The following SMYD2 variants were observed in gnomAD, a reference collection of about 807,000 sequenced individuals.
SMYD2 encodes the protein SET and MYND domain containing 2, also known as N-lysine methyltransferase SMYD2.
Under a neutral mutation model 59.1 loss-of-function variants are expected in SMYD2, and 53 were observed. The ratio of observed to expected loss-of-function variants is 0.90; its 90% CI spans 0.72 to 1.13. The LOEUF (loss-of-function observed/expected upper bound fraction) is 1.13, where lower values mean the gene tolerates loss of function less well. Among genes scored for constraint, SMYD2 ranks in the 50% most tolerant of loss-of-function variants. The pLI is 0.00. For missense variants in SMYD2, 494 were observed against 544.7 expected (o/e 0.91, Z 0.93); for synonymous variants, 208 against 198.8 (o/e 1.05, Z -0.39).
chr1:214,286,228 G>A (rs1347795032), intron 1 of SMYD2, among the ~76,000 whole-genome samples: 3 of 152,186 alleles, frequency 2.0e-5, no homozygotes, highest in Admixed American at 2.0e-4. Flanking sequence ...GGACTTGGTA[G>A]GCTGAGGTGG....
At chr1:214,331,964 G>A (rs777367218) in intron 9 of SMYD2, 54 bp from the exon 10 acceptor site, 32 of 1,558,076 alleles carry the variant, frequency 2.1e-5, no homozygotes, top group Non-Finnish European at 2.5e-5. Context: ...ACCCAGCCTG[G>A]GGAAGCCTCC....
chr1:214,299,674 C>T (rs752873092), intron 1 of SMYD2, among the ~76,000 whole-genome samples: 1 of 151,998 alleles, frequency 6.6e-6, no homozygotes, highest in Non-Finnish European at 1.5e-5. Flanking sequence ...TGGCGCTGTC[C>T]TGGCTCACTG....
At chr1:214,330,876 T>C in intron 8 of SMYD2, 74 bp from the exon 9 acceptor site, 1 of 1,605,864 alleles carries the variant, frequency 6.2e-7, no homozygotes, top group Non-Finnish European at 8.5e-7. Context: ...GGAATGTGTA[T>C]TATATGAGAG....
At chr1:214,329,432 G>A (rs759067056) in intron 7 of SMYD2, among the ~76,000 whole-genome samples, 3 of 152,204 alleles carry the variant, frequency 2.0e-5, no homozygotes, top group Non-Finnish European at 4.4e-5. Flanking sequence ...GTCCCAGTGA[G>A]TAGATAATGG....
chr1:214,281,209 G>C lies in SMYD2; in HGVS notation c.-46G>C. ...ACGCGTCTCCAATAACAGCTCGCCGGGAGCCGCAGCTCGGGCACAGCCGGC... is the reference window on the plus strand; with the variant it reads ...ACGCGTCTCCAATAACAGCTCGCCGCGAGCCGCAGCTCGGGCACAGCCGGC... On this transcript the variant is annotated 5_prime_UTR_variant, in exon 1 of 12. Coordinates refer to ENST00000366957, the MANE Select transcript of SMYD2 (RefSeq NM_020197.3). 1 of 1,215,382 alleles carries C rather than the reference G, an allele frequency of 8.2e-7. No homozygotes were observed. Among genetic ancestry groups the C allele is most frequent in the Non-Finnish European group, 1.0e-6 (1 of 973,004 alleles). 75.3% of individuals were successfully genotyped at this position (1,215,382 alleles called of 1,614,324 possible).
At chr1:214,330,022 C>T (rs1460755773) in intron 7 of SMYD2, 146 bp from the exon 8 acceptor site, 9 of 521,372 alleles carry the variant, frequency 1.7e-5, no homozygotes, top group African/African-American at 3.8e-5. Flanking sequence ...TCAGGAATTC[C>T]GTGCCTTAAA....
At chr1:214,315,971 C>T (rs753846111) in intron 3 of SMYD2, among the ~76,000 whole-genome samples, 17 of 152,200 alleles carry the variant, frequency 1.1e-4, no homozygotes, top group Non-Finnish European at 2.1e-4. Flanking sequence ...CTGGTTCATT[C>T]TTGCTGATTG....
chr1:214,334,060 A>C (rs1388559102), intron 10 of SMYD2, 140 bp from the exon 11 acceptor site: 1 of 647,114 alleles, frequency 1.5e-6, no homozygotes, highest in Non-Finnish European at 2.7e-6. Context: ...TCTCCACCCA[A>C]ACCCTGGTGG....
chr1:214,334,041 C>T lies in SMYD2; in HGVS notation c.1113-159C>T, dbSNP rs1002078051. The T allele has an allele frequency of 8.7e-6, 5 of 572,264 alleles. No individual in the cohort carries two copies. The Middle Eastern group carries it at 2.0e-3, about 224-fold the overall frequency. The allele number at this position is 572,264 out of a possible 1,614,324, so 35.4% of individuals were successfully genotyped here. A position where few individuals can be genotyped will look rare whatever the true frequency, so the allele number is the denominator to read the frequency against. On this transcript the variant is annotated intron_variant, in intron 10 of 11. Coordinates refer to ENST00000366957, the MANE Select transcript of SMYD2 (RefSeq NM_020197.3). ...CTGCAATGATTCGGCAGGGTGGCAGCATCCACGCTCTCCACCCAAACCCTG... is the reference window on the plus strand; with the variant it reads ...CTGCAATGATTCGGCAGGGTGGCAGTATCCACGCTCTCCACCCAAACCCTG...
intron 10 of SMYD2, chr1:214,332,816 A>G (rs911780207): frequency 3.9e-5 from 6 of 152,694 alleles, no homozygotes; most frequent in African/African-American, 1.4e-4. Flanking sequence ...TCTGACTCGG[A>G]CTAGACACTT....
chr1:214,324,355 A>C (rs1381090331), intron 5 of SMYD2, among the ~76,000 whole-genome samples: 1 of 152,188 alleles, frequency 6.6e-6, no homozygotes, highest in Non-Finnish European at 1.5e-5. Context: ...CAAGTGTGCA[A>C]ACGTCAGTCC....
At chr1:214,293,156 G>A (rs1320809404) in intron 1 of SMYD2, among the ~76,000 whole-genome samples, 1 of 151,744 alleles carries the variant, frequency 6.6e-6, no homozygotes, top group Non-Finnish European at 1.5e-5. Context: ...AGGTCCAAGC[G>A]ATTCTCCCGC....
In SMYD2 at chr1:214,327,723, A is replaced by G. The variant is rs764794193; in HGVS notation, c.704A>G (p.Glu235Gly). The G allele has an allele frequency of 2.5e-6, 4 of 1,613,956 alleles. No individual in the cohort carries two copies. The highest frequency in any genetic ancestry group is 1.7e-6 in the Non-Finnish European group (2 of 1,179,884). ...RAVQEIKPGEEVFTSYIDLLY... is the reference protein window; with the variant it reads ...RAVQEIKPGEGVFTSYIDLLY... ...GTACAGGAAATCAAGCCGGGAGAGG[A>G]GGTGAGTTCATGGCTATGGGTGGCT... The change falls in exon 7 of 12, where the codon GAG (glutamate) becomes GGG (glycine). Residue 235 changes from glutamate to glycine, a missense_variant and splice_region_variant. Glu to Gly is a moderately conservative substitution (Grantham distance 98). Transcript: ENST00000366957.
chr1:214,324,357 C>T (rs1372196229), intron 5 of SMYD2, among the ~76,000 whole-genome samples: 2 of 152,238 alleles, frequency 1.3e-5, no homozygotes, highest in South Asian at 2.1e-4. Flanking sequence ...AGTGTGCAAA[C>T]GTCAGTCCTC....
Position 214,305,192 on chromosome 1 carries a change from A to G in SMYD2, c.179A>G (p.Glu60Gly). ...NHCEYCFTRK[E>G]GLSKCGRCKQ... ...GTGCCCTTTCTGTTTTTAAGGAAAG[A>G]AGGATTGTCCAAATGTGGAAGATGC... The change falls in exon 2 of 12, where the codon GAA becomes GGA. Residue 60 changes from glutamate to glycine, a missense_variant. By Grantham distance (98) the Glu-to-Gly change is moderately conservative. Transcript: ENST00000366957. The G allele has an allele frequency of 3.1e-6, 5 of 1,614,200 alleles. No individual in the cohort carries two copies. The highest frequency in any genetic ancestry group is 4.2e-6 in the Non-Finnish European group (5 of 1,180,004).
chr1:214,325,773 C>CT (rs59821609), intron 6 of SMYD2, among the ~76,000 whole-genome samples: 27,358 of 118,134 alleles, frequency 0.23, 3,257 homozygotes, highest in East Asian at 0.42. Flanking sequence ...AGGAAAGAAG[C>CT]TTTTTTTTTT....
Position 214,312,019 on chromosome 1 carries a change from G to T in SMYD2, c.238-2743G>T, listed in dbSNP as rs1458276998. On this transcript the variant is annotated intron_variant, in intron 2 of 11. Coordinates refer to ENST00000366957, the MANE Select transcript of SMYD2 (RefSeq NM_020197.3). This position sits in a 1 kb window ranked among gnomAD's most constrained non-coding sequence, Gnocchi z 4.1. ...AGCTGAGGAGGGAGCTGATTAGTCTGCAGGGAGACAGACCCACCTGTTCCC... is the reference window on the plus strand; with the variant it reads ...AGCTGAGGAGGGAGCTGATTAGTCTTCAGGGAGACAGACCCACCTGTTCCC... 6.6e-6 allele frequency among the ~76,000 whole-genome samples: 1 copy of T among 152,162 alleles called. No individual in the cohort carries two copies. The highest frequency in any genetic ancestry group is 2.4e-5 in the African/African-American group (1 of 41,432).
chr1:214,324,478 A>G (rs547201254), intron 5 of SMYD2, among the ~76,000 whole-genome samples, 163 bp from the exon 6 acceptor site: 8 of 152,334 alleles, frequency 5.3e-5, no homozygotes, highest in Admixed American at 2.6e-4. Context: ...GGAACTGATA[A>G]GTAAATTTTG....
chr1:214,287,586 C>CAAAAAAA lies in SMYD2; in HGVS notation c.173+6175_173+6181dup, dbSNP rs36187427. ...TGGGAGACAGAGTTAGACTATGTCT[C>CAAAAAAA]AAAAAAAAAAAAAAAAAAAAAAGAT... On this transcript the variant is annotated intron_variant, in intron 1 of 11. Transcript: ENST00000366957. Among the ~76,000 whole-genome samples, 44 of 75,380 alleles carry CAAAAAAA rather than the reference C, an allele frequency of 5.8e-4. 1 individual carries two copies. The highest frequency in any genetic ancestry group is 9.3e-3 in the Middle Eastern group (1 of 108). 49.5% of individuals were successfully genotyped at this position (75,380 alleles called of 152,430 possible). A position where few individuals can be genotyped will look rare whatever the true frequency, so the allele number is the denominator to read the frequency against.
Sources: gnomAD v4.1 joint callset for allele counts (sites outside exome capture counted in the v4.1 genomes callset) on GRCh38, gnomAD v4.1.1 for gene constraint, Gnocchi (gnomAD v3.1) non-coding constraint, MANE v1.5 for transcripts, NCBI Gene and HGNC (gene_info 2026-07-23, HGNC 2026-07-21) for gene names.